The following RDX variants were observed in gnomAD, a reference collection of about 807,000 sequenced individuals.
RDX encodes radixin, also known as deafness, autosomal recessive 24.
In RDX, 32 loss-of-function variants were observed where a neutral mutation model predicts 83.7. That is an observed-to-expected ratio of 0.38 (90% CI 0.29 to 0.51). RDX has a LOEUF of 0.51. Among genes scored for constraint, RDX ranks in the 20% least tolerant of loss-of-function variants. The pLI, the probability that RDX is intolerant of heterozygous loss-of-function variation, is 0.87. For missense variants in RDX, 600 were observed against 689.9 expected, an observed-to-expected ratio of 0.87 and a Z score of 1.46; for synonymous variants, 229 against 222.7, an observed-to-expected ratio of 1.03 and a Z score of -0.25.
At chr11:110,211,330 A>G (rs1204964761) in intron 14 of RDX, among the ~76,000 whole-genome samples, 1 of 152,122 alleles carries the variant, frequency 6.6e-6, no homozygotes, top group East Asian at 1.9e-4. Context: ...CAAGATTCAT[A>G]AAGCAAGTCG....
intron 14 of RDX, among the ~76,000 whole-genome samples, chr11:110,213,282 G>T (rs1247019492): frequency 7.6e-6 from 1 of 131,502 alleles, no homozygotes; most frequent in Non-Finnish European, 1.6e-5. Context: ...CAACTTACAA[G>T]GGATGTGAAG....
chr11:110,248,719 G>C (rs1483107441), intron 9 of RDX, among the ~76,000 whole-genome samples: 1 of 152,116 alleles, frequency 6.6e-6, no homozygotes, highest in African/African-American at 2.4e-5. Flanking sequence ...ATCTTCTTTA[G>C]ATTAACCGGA....
At chr11:110,234,366 A>G (rs989587080) in intron 12 of RDX, among the ~76,000 whole-genome samples, 3 of 152,226 alleles carry the variant, frequency 2.0e-5, no homozygotes, top group Non-Finnish European at 4.4e-5. Flanking sequence ...CAGACAATGC[A>G]AAGTCCTCTG....
At chr11:110,210,633 C>T (rs553831053) in intron 14 of RDX, among the ~76,000 whole-genome samples, 45 of 150,874 alleles carry the variant, frequency 3.0e-4, no homozygotes, top group East Asian at 2.4e-3. Context: ...AGACTAACAG[C>T]GGATCTCTCG....
chr11:110,266,133 A>G (rs1860034095), intron 3 of RDX, among the ~76,000 whole-genome samples: 3 of 151,594 alleles, frequency 2.0e-5, no homozygotes, highest in South Asian at 4.2e-4. Flanking sequence ...GACCATCCTG[A>G]CTAACACGGT....
chr11:110,201,120 G>A (rs1448122067), intron 14 of RDX, among the ~76,000 whole-genome samples: 1 of 146,056 alleles, frequency 6.8e-6, no homozygotes, highest in East Asian at 2.0e-4. Context: ...AGGTTACGGT[G>A]AGCCAAGATC....
At chr11:110,267,873 A>G (rs11213334) in intron 3 of RDX, among the ~76,000 whole-genome samples, 63,869 of 151,198 alleles carry the variant, frequency 0.42, 13,586 homozygotes, top group East Asian at 0.54. Context: ...AGGATCACTT[A>G]AGTCCAGGAG....
intron 14 of RDX, among the ~76,000 whole-genome samples, chr11:110,213,887 C>A (rs1370264107): frequency 1.1e-5 from 1 of 88,082 alleles, no homozygotes; most frequent in African/African-American, 4.4e-5. Flanking sequence ...CATAAAAACT[C>A]TAGAAGAAAA....
rs143087749 is a variant in RDX, at chr11:110,281,247, C to G, written c.-64-1491G>C. On this transcript the variant is annotated intron_variant, in intron 1 of 13. Transcript: ENST00000645495. ...TAATAAAAATGAAATTTAGGTAAGG[C>G]CATTTCCCTAAATTCTAGTCAATCA... 3.6e-3 allele frequency among the ~76,000 whole-genome samples: 545 copies of G among 152,072 alleles called. 5 individuals carry two copies. The highest frequency in any genetic ancestry group is 0.013 in the African/African-American group (531 of 41,502).
rs964638429 is a variant in RDX at position 110,230,366 on chromosome 11, T to C, written c.*1503A>G. On this transcript the variant is annotated 3_prime_UTR_variant, in exon 14 of 14. Transcript: ENST00000645495. ...CTTCTAACTGGAAAGATTTCTTCAG[T>C]AAGCTATAACCGAAATTAATATAAA... 10 of 152,296 alleles carry C rather than the reference T, an allele frequency of 6.6e-5. No individual in the cohort carries two copies. The highest frequency in any genetic ancestry group is 2.4e-4 in the African/African-American group (10 of 41,590). The allele number at this position is 152,296 out of a possible 1,614,324, so 9.4% of individuals were successfully genotyped here.
At chr11:110,285,950 A>G (rs1860964047) in intron 1 of RDX, among the ~76,000 whole-genome samples, 1 of 151,942 alleles carries the variant, frequency 6.6e-6, no homozygotes, top group Non-Finnish European at 1.5e-5. Flanking sequence ...TAAAAAATAA[A>G]TTGCCTAAAC....
rs1864561265 is a variant in RDX, at chr11:110,229,986, T to C, written c.*1883A>G. Reference sequence around the variant, plus strand: ...TTCTCTTCCATAGGATTCTGAAGCATGTGCACAACCATGGTACAACAGTCA... The same window carrying C: ...TTCTCTTCCATAGGATTCTGAAGCACGTGCACAACCATGGTACAACAGTCA... On this transcript the variant is annotated 3_prime_UTR_variant, in exon 14 of 14. Coordinates refer to ENST00000645495, the MANE Select transcript of RDX (RefSeq NM_002906.4). The C allele has an allele frequency of 1.3e-5, 2 of 152,558 alleles. No individual in the cohort carries two copies. The highest frequency in any genetic ancestry group is 2.4e-5 in the African/African-American group (1 of 41,440). 9.5% of individuals were successfully genotyped at this position (152,558 alleles called of 1,614,324 possible).
At position 110,231,059 on chromosome 11, in the gene RDX, T is replaced by C. The variant is rs1864614861; in HGVS notation, c.*810A>G. 6.6e-6 allele frequency: 1 copy of C among 152,570 alleles called. No homozygotes were observed. Among genetic ancestry groups the C allele is most frequent in the Admixed American group, 6.5e-5 (1 of 15,272 alleles). 9.5% of individuals were successfully genotyped at this position (152,570 alleles called of 1,614,324 possible). A position where few individuals can be genotyped will look rare whatever the true frequency, so the allele number is the denominator to read the frequency against. ...CTATAAAAGAACAAAACTTTTAAAA[T>C]CTTGCAGAGGCTGTTTCATCAGTAA... On this transcript the variant is annotated 3_prime_UTR_variant, in exon 14 of 14. Coordinates refer to ENST00000645495, the MANE Select transcript of RDX (RefSeq NM_002906.4).
chr11:110,219,269 C>T (rs572084014), intron 14 of RDX, among the ~76,000 whole-genome samples: 2 of 152,160 alleles, frequency 1.3e-5, no homozygotes, highest in Non-Finnish European at 2.9e-5. Flanking sequence ...AACAAGGAAG[C>T]CAGTGTGACT....
At chr11:110,277,334 T>G in intron 2 of RDX, among the ~76,000 whole-genome samples, 1 of 152,180 alleles carries the variant, frequency 6.6e-6, no homozygotes, top group Admixed American at 6.5e-5. Flanking sequence ...TTGTTTTGTT[T>G]TTTTGAGACA....
At chr11:110,236,611 G>T in intron 11 of RDX, 1 of 164,676 alleles carries the variant, frequency 6.1e-6, no homozygotes, top group Non-Finnish European at 1.3e-5. Flanking sequence ...TCATTAACAG[G>T]TAGTATCATT....
At chr11:110,237,116 CTATAA>C (rs926206333) in intron 11 of RDX, among the ~76,000 whole-genome samples, 1 of 148,978 alleles carries the variant, frequency 6.7e-6, no homozygotes, top group Non-Finnish European at 1.5e-5. Context: ...TATTATATAT[CTATAA>C]TATATTATAT....
intron 3 of RDX, among the ~76,000 whole-genome samples, chr11:110,270,231 C>T (rs1860249408): frequency 6.6e-6 from 1 of 151,824 alleles, no homozygotes; most frequent in South Asian, 2.1e-4. Flanking sequence ...CTTAAACAAA[C>T]CTAAATGGTA....
intron 5 of RDX, among the ~76,000 whole-genome samples, chr11:110,260,129 G>C (rs942607227): frequency 1.3e-5 from 2 of 151,590 alleles, no homozygotes; most frequent in Admixed American, 6.6e-5. Context: ...TAGGATTACA[G>C]GCATGCACCA....
Sources: allele counts gnomAD v4.1 joint callset (sites outside exome capture counted in the v4.1 genomes callset), GRCh38; gene constraint gnomAD v4.1.1; transcripts MANE v1.5; gene names NCBI Gene and HGNC (gene_info 2026-07-23, HGNC 2026-07-21).